Variants in VNN1 observed in about 807,000 individuals in gnomAD.
VNN1 encodes the protein pantetheinase.
VNN1 carries 29 observed loss-of-function variants against 41.9 expected under a neutral mutation model. The observed-to-expected ratio is 0.69, with a 90% CI of 0.52 to 0.94. The LOEUF is 0.94. Ranked by LOEUF, VNN1 falls within the 40% of genes least tolerant of loss-of-function variation. The pLI, the probability that VNN1 is intolerant of heterozygous loss-of-function variation, is 0.00. For missense variants in VNN1, 637 were observed against 621.1 expected (o/e 1.03, Z -0.27); for synonymous variants, 233 against 224.4 (o/e 1.04, Z -0.34).
chr6:132,694,177 C>A lies in VNN1; in HGVS notation c.347G>T (p.Gly116Val). The A allele has an allele frequency of 6.3e-7, 1 of 1,582,596 alleles. No individual in the cohort carries two copies. The change falls in exon 3 of 7, where the codon GGC (glycine) becomes GTC (valine). Residue 116 changes from glycine to valine, a missense_variant. Transcript: ENST00000367928. ...WIPCNNRNRFGQTPVQERLSC... is the reference protein window; with the variant it reads ...WIPCNNRNRFVQTPVQERLSC... ...GAGTCTTTCTTGTACTGGGGTCTGGCCAAATCTGATACATGTTTATTGGAG... is the reference window on the plus strand; with the variant it reads ...GAGTCTTTCTTGTACTGGGGTCTGGACAAATCTGATACATGTTTATTGGAG...
rs1778177260 is a variant in VNN1 at position 132,684,425 on chromosome 6, T to G, written c.1269A>C (p.Glu423Asp). 2 of 1,613,908 alleles carry G rather than the reference T, an allele frequency of 1.2e-6. No individual in the cohort carries two copies. Among genetic ancestry groups the G allele is most frequent in the African/African-American group, 1.3e-5 (1 of 74,918 alleles). The change falls in exon 6 of 7, where the codon GAA becomes GAC. Residue 423 changes from glutamate to aspartate, a missense_variant. Physicochemically the swap from Glu to Asp is conservative, Grantham distance 45. Coordinates refer to ENST00000367928, the MANE Select transcript of VNN1 (RefSeq NM_004666.3). ...CGAAAGTGCCACTGAGGGAGAACAT[T>G]TCAAACCTGGTAGAAGCTGTTTCAG... ...DSAETASTRF[E>D]MFSLSGTFGT... is the part of the protein sequence containing the mutation.
In VNN1 at chr6:132,694,076, G is replaced by C. The variant is rs763908629; in HGVS notation, c.448C>G (p.Pro150Ala). 1 of 1,614,168 alleles carries C rather than the reference G, an allele frequency of 6.2e-7. No individual in the cohort carries two copies. The highest frequency in any genetic ancestry group is 8.5e-7 in the Non-Finnish European group (1 of 1,180,022). ...GDKKPCDTSD[P>A]QCPPDGRYQY... ...TAACGGCCATCAGGGGGACACTGAG[G>C]ATCACTGGTATCGCATGGCTTCTTG... Residue 150 changes from proline to alanine, a missense_variant, in exon 3 of 7, where the codon CCT becomes GCT. Coordinates refer to ENST00000367928, the MANE Select transcript of VNN1 (RefSeq NM_004666.3).
At chr6:132,712,698 G>A (rs1410267813) in intron 1 of VNN1, among the ~76,000 whole-genome samples, 1 of 152,142 alleles carries the variant, frequency 6.6e-6, no homozygotes, top group Non-Finnish European at 1.5e-5. Flanking sequence ...ACTGTCCCAT[G>A]CCTACAAGTA....
At chr6:132,686,244 C>T (rs1054184544) in intron 5 of VNN1, among the ~76,000 whole-genome samples, 5 of 152,056 alleles carry the variant, frequency 3.3e-5, no homozygotes, top group African/African-American at 9.7e-5. Context: ...GTCAGGAGTT[C>T]GAGACCAGCC....
chr6:132,709,949 A>G (rs1004156465), intron 2 of VNN1, among the ~76,000 whole-genome samples: 2 of 152,206 alleles, frequency 1.3e-5, no homozygotes, highest in Non-Finnish European at 1.5e-5. Flanking sequence ...GGTACAATTA[A>G]ATAAGAATAG....
At chr6:132,692,645 T>C in intron 4 of VNN1, 61 bp from the exon 5 acceptor site, 1 of 1,501,608 alleles carries the variant, frequency 6.7e-7, no homozygotes, top group Non-Finnish European at 8.8e-7. Flanking sequence ...ATTTCATAAT[T>C]GTTATTACTA....
At chr6:132,693,385 A>G in intron 3 of VNN1, 70 bp from the exon 4 acceptor site, 1 of 1,428,958 alleles carries the variant, frequency 7.0e-7, no homozygotes, top group South Asian at 1.5e-5. Flanking sequence ...CAGTGTGGGA[A>G]AAAGTACAAG....
rs73543028 is a variant in VNN1 at position 132,696,074 on chromosome 6, G to A, written c.342-1892C>T. ...ACTTTAAAACAATGGTTTTACAGAA[G>A]CTTAAGAAAATAAAGGAAGATGTGG... is the stretch of plus-strand genomic sequence containing the variant. On this transcript the variant is annotated intron_variant, in intron 2 of 6. Coordinates refer to ENST00000367928, the MANE Select transcript of VNN1 (RefSeq NM_004666.3). 7.6e-3 allele frequency among the ~76,000 whole-genome samples: 1,162 copies of A among 152,200 alleles called. 19 individuals carry two copies. Among genetic ancestry groups the A allele is most frequent in the African/African-American group, 0.027 (1,105 of 41,534 alleles).
At position 132,693,166 on chromosome 6, in the gene VNN1, G is replaced by A. The variant is rs773976581; in HGVS notation, c.684C>T (p.His228=). Residue 228 remains histidine, a synonymous_variant, in exon 4 of 7, where the codon CAC becomes CAT. Coordinates refer to ENST00000367928, the MANE Select transcript of VNN1 (RefSeq NM_004666.3). Reference sequence around the variant, plus strand: ...CTGTTGGGAATACTATGGTGTCCACGTGGAAATCTTTCACCAAGGTAACAG... The same window carrying A: ...CTGTTGGGAATACTATGGTGTCCACATGGAAATCTTTCACCAAGGTAACAG... ...DPAVTLVKDF[H]VDTIVFPTAW... 28 of 1,614,056 alleles carry A rather than the reference G, an allele frequency of 1.7e-5. No individual in the cohort carries two copies. Among genetic ancestry groups the A allele is most frequent in the Non-Finnish European group, 2.0e-5 (24 of 1,179,992 alleles).
chr6:132,690,656 T>C (rs1026900954), intron 5 of VNN1, among the ~76,000 whole-genome samples: 5 of 152,238 alleles, frequency 3.3e-5, no homozygotes, highest in African/African-American at 1.2e-4. Context: ...CTATGCTTAT[T>C]TATCTTCATA....
chr6:132,694,288 G>A (rs2272997), intron 2 of VNN1, 106 bp from the exon 3 acceptor site: 36,260 of 1,111,348 alleles, frequency 0.033, 2,036 homozygotes, highest in African/African-American at 0.22. Context: ...ATATGCAAAA[G>A]TAAATTCTAA....
At chr6:132,683,361 G>A (rs1778156648) in intron 6 of VNN1, 39 bp from the exon 7 acceptor site, 1 of 1,573,020 alleles carries the variant, frequency 6.4e-7, no homozygotes, top group Non-Finnish European at 8.6e-7. Flanking sequence ...CTACCTTCAA[G>A]TTTTACAATC....
intron 2 of VNN1, among the ~76,000 whole-genome samples, chr6:132,705,016 T>G (rs1288237384): frequency 6.6e-6 from 1 of 151,696 alleles, no homozygotes; most frequent in African/African-American, 2.4e-5. Flanking sequence ...AGATAACAAA[T>G]AATAAGATTG....
In VNN1 at chr6:132,693,013, TCA is replaced by T; in HGVS notation, c.826+9_826+10del. 1.3e-6 allele frequency: 2 copies of T among 1,585,456 alleles called. No homozygotes were observed. The highest frequency in any genetic ancestry group is 1.7e-6 in the Non-Finnish European group (2 of 1,166,040). On this transcript the variant is annotated intron_variant, in intron 4 of 6. Coordinates refer to ENST00000367928, the MANE Select transcript of VNN1 (RefSeq NM_004666.3). Reference sequence around the variant, plus strand: ...TACATCAGCCTGCATATCTTTAAGATCACACATTACCTGTCATTTTCTTTGAG... The same window carrying T: ...TACATCAGCCTGCATATCTTTAAGATCACATTACCTGTCATTTTCTTTGAG...
At chr6:132,699,127 G>T in intron 2 of VNN1, 1 of 321,352 alleles carries the variant, frequency 3.1e-6, no homozygotes, top group Admixed American at 3.8e-5. Context: ...ATGTCCCATT[G>T]GCAACTGATG....
intron 4 of VNN1, 64 bp from the exon 5 acceptor site, chr6:132,692,648 T>G: frequency 6.7e-7 from 1 of 1,497,852 alleles, no homozygotes; most frequent in South Asian, 1.4e-5. Context: ...TCATAATTGT[T>G]ATTACTATTT....
chr6:132,684,777 T>C (rs1778184376), intron 5 of VNN1, among the ~76,000 whole-genome samples: 1 of 152,158 alleles, frequency 6.6e-6, no homozygotes, highest in African/African-American at 2.4e-5. Flanking sequence ...GAAAAATGCC[T>C]ATGCCACTTT....
At chr6:132,694,316 A>G in intron 2 of VNN1, 134 bp from the exon 3 acceptor site, 1 of 964,184 alleles carries the variant, frequency 1.0e-6, no homozygotes, top group Non-Finnish European at 1.5e-6. Context: ...TAATTAGAAG[A>G]GAAGTATTAA....
At position 132,691,864 on chromosome 6, in the gene VNN1, C is replaced by T. The variant is rs1378819837; in HGVS notation, c.1188+359G>A. ...ATACAACAACAACAAAAAAATTAGC[C>T]AGGCATGGTGGCACTCGCCTGTAGT... On this transcript the variant is annotated intron_variant, in intron 5 of 6. Transcript: ENST00000367928. 6.7e-4 allele frequency among the ~76,000 whole-genome samples: 102 copies of T among 151,996 alleles called. 2 individuals are homozygous for T. Among genetic ancestry groups the T allele is most frequent in the Non-Finnish European group, 1.5e-5 (1 of 67,968 alleles).
Sources: allele counts gnomAD v4.1 joint callset (sites outside exome capture counted in the v4.1 genomes callset), GRCh38; gene constraint gnomAD v4.1.1; transcripts MANE v1.5; gene names NCBI Gene and HGNC (gene_info 2026-07-23, HGNC 2026-07-21).